Variants in MAML3 observed in about 807,000 individuals in gnomAD.
MAML3 encodes mastermind-like protein 3.
A neutral mutation model predicts 101.9 loss-of-function variants in MAML3; 27 were observed. The ratio of observed to expected loss-of-function variants is 0.27; its 90% CI spans 0.20 to 0.37. The LOEUF is 0.37. Among genes scored for constraint, MAML3 ranks in the 10% least tolerant of loss-of-function variants. The pLI, the probability that MAML3 is intolerant of heterozygous loss-of-function variation, is 1.00. For missense variants in MAML3, 1,316 were observed against 1,444.9 expected, an observed-to-expected ratio of 0.91 and a Z score of 1.45; for synonymous variants, 501 against 555.9, an observed-to-expected ratio of 0.90 and a Z score of 1.39.
At chr4:139,925,207 T>C (rs1027099379) in intron 1 of MAML3, among the ~76,000 whole-genome samples, 3 of 152,070 alleles carry the variant, frequency 2.0e-5, no homozygotes, top group African/African-American at 4.8e-5. Flanking sequence ...AGAGGATTAG[T>C]GAGTCCCTGT....
chr4:139,918,813 G>T (rs115043023), intron 1 of MAML3, among the ~76,000 whole-genome samples: 257 of 152,254 alleles, frequency 1.7e-3, no homozygotes, highest in African/African-American at 6.0e-3. Flanking sequence ...CTGGAGCTGA[G>T]TGTGACCTCA....
chr4:140,075,646 C>A (rs1255661618), intron 1 of MAML3, among the ~76,000 whole-genome samples: 1 of 152,186 alleles, frequency 6.6e-6, no homozygotes, highest in Non-Finnish European at 1.5e-5. Context: ...AAGCAATCCT[C>A]CCACCTCAGC....
At chr4:139,789,206 T>C (rs1049551689) in intron 2 of MAML3, among the ~76,000 whole-genome samples, 9 of 152,208 alleles carry the variant, frequency 5.9e-5, no homozygotes, top group African/African-American at 2.2e-4. Flanking sequence ...AATGTGGTTT[T>C]TCCCTTAAAG....
At chr4:139,771,197 A>G (rs1170274027) in intron 2 of MAML3, among the ~76,000 whole-genome samples, 1 of 152,196 alleles carries the variant, frequency 6.6e-6, no homozygotes, top group Non-Finnish European at 1.5e-5. Context: ...TCCTTTAAAG[A>G]GGTTGTATTT....
At position 139,901,010 on chromosome 4, in the gene MAML3, C is replaced by T. The variant is rs1214388352; in HGVS notation, c.469-10043G>A. Among the ~76,000 whole-genome samples, 3 of 152,212 alleles carry T rather than the reference C, an allele frequency of 2.0e-5. No homozygotes were observed. The East Asian group carries it at 5.8e-4, about 29-fold the overall frequency. On this transcript the variant is annotated intron_variant, in intron 1 of 4. Coordinates refer to ENST00000509479, the MANE Select transcript of MAML3 (RefSeq NM_018717.5). ...CCTGCCTCTCAAATCTATGCTCTCA[C>T]CTACTCTGCTATTTTGCATCTGATG... is the stretch of plus-strand genomic sequence containing the variant.
intron 1 of MAML3, among the ~76,000 whole-genome samples, chr4:139,940,880 G>C (rs2110738280): frequency 6.6e-6 from 1 of 152,268 alleles, no homozygotes; most frequent in South Asian, 2.1e-4. Flanking sequence ...AATTGCTGTT[G>C]ATTAAGATTC....
chr4:139,911,303 C>T lies in MAML3; in HGVS notation c.469-20336G>A, dbSNP rs375241673. 8.1e-4 allele frequency among the ~76,000 whole-genome samples: 123 copies of T among 151,992 alleles called. 3 individuals carry two copies. In the South Asian group the frequency reaches 0.022, roughly 27 times the overall value. The stretch of plus-strand genomic sequence containing the variant: ...CGTAATCTCAGCTCATTGCAACCTC[C>T]GCCTCCCAGGTTCAAGCAATTCTCC... On this transcript the variant is annotated intron_variant, in intron 1 of 4. Coordinates refer to ENST00000509479, the MANE Select transcript of MAML3 (RefSeq NM_018717.5).
At chr4:140,053,449 A>G (rs1489665884) in intron 1 of MAML3, among the ~76,000 whole-genome samples, 1 of 152,214 alleles carries the variant, frequency 6.6e-6, no homozygotes, top group Non-Finnish European at 1.5e-5. Flanking sequence ...TGCAGGGGCC[A>G]CATTCCCAGA....
chr4:140,126,214 C>T (rs918598954), intron 1 of MAML3, among the ~76,000 whole-genome samples: 7 of 150,284 alleles, frequency 4.7e-5, no homozygotes, highest in Non-Finnish European at 1.5e-5. Context: ...ATATTCAAGG[C>T]ATTCCAACCC....
chr4:139,776,121 C>A (rs1302699791), intron 2 of MAML3, among the ~76,000 whole-genome samples: 1 of 152,230 alleles, frequency 6.6e-6, no homozygotes, highest in Non-Finnish European at 1.5e-5. Flanking sequence ...AGACAATCTT[C>A]CAATGCATGT....
At chr4:139,801,493 C>T (rs1730602306) in intron 2 of MAML3, among the ~76,000 whole-genome samples, 1 of 152,144 alleles carries the variant, frequency 6.6e-6, no homozygotes, top group Non-Finnish European at 1.5e-5. Flanking sequence ...GAGCATAAAA[C>T]ATGGGCTGAG....
At chr4:139,870,740 CAA>C (rs1377816679) in intron 2 of MAML3, among the ~76,000 whole-genome samples, 3 of 152,184 alleles carry the variant, frequency 2.0e-5, no homozygotes, top group Non-Finnish European at 4.4e-5. Flanking sequence ...CTCCTGGACT[CAA>C]GAGATCCTTC....
At chr4:139,917,022 A>G (rs921052156) in intron 1 of MAML3, among the ~76,000 whole-genome samples, 5 of 152,242 alleles carry the variant, frequency 3.3e-5, no homozygotes, top group Non-Finnish European at 7.3e-5. Context: ...TTACATAAAA[A>G]TGGATTTCCA....
intron 1 of MAML3, among the ~76,000 whole-genome samples, chr4:140,101,549 A>C (rs952697863): frequency 1.3e-5 from 2 of 152,220 alleles, no homozygotes; most frequent in Admixed American, 6.5e-5. Context: ...AATTCTACTC[A>C]GGAAGCCAGG....
chr4:140,088,279 A>G (rs1727990817), intron 1 of MAML3, among the ~76,000 whole-genome samples: 1 of 151,912 alleles, frequency 6.6e-6, no homozygotes, highest in Non-Finnish European at 1.5e-5. Context: ...GGAAGGGAGG[A>G]AGGAAAATTT....
intron 1 of MAML3, among the ~76,000 whole-genome samples, chr4:140,026,849 A>G (rs1225626012): frequency 1.3e-5 from 2 of 152,176 alleles, no homozygotes; most frequent in Non-Finnish European, 2.9e-5. Flanking sequence ...AAGTACAGAC[A>G]GTAAAGTTTT....
chr4:139,957,122 T>A (rs1733930082), intron 1 of MAML3, among the ~76,000 whole-genome samples: 1 of 152,168 alleles, frequency 6.6e-6, no homozygotes, highest in South Asian at 2.1e-4. Flanking sequence ...GATGCTGTGG[T>A]CTTAACCACT....
intron 2 of MAML3, among the ~76,000 whole-genome samples, chr4:139,880,158 G>C (rs887120111): frequency 2.0e-5 from 3 of 150,886 alleles, no homozygotes; most frequent in African/African-American, 7.3e-5. Flanking sequence ...GGGTGACAGA[G>C]TGAGACTCCA....
chr4:140,045,453 T>C (rs534515703), intron 1 of MAML3, among the ~76,000 whole-genome samples: 3 of 152,046 alleles, frequency 2.0e-5, no homozygotes, highest in Admixed American at 2.0e-4. Flanking sequence ...TGTTTTTGTT[T>C]GTTTGTTTTT....
Sources: allele counts gnomAD v4.1 joint callset (sites outside exome capture counted in the v4.1 genomes callset), GRCh38; gene constraint gnomAD v4.1.1; transcripts MANE v1.5; gene names NCBI Gene and HGNC (gene_info 2026-07-23, HGNC 2026-07-21).